C4orf51: variants seen among roughly 807,000 people sequenced by gnomAD.
The protein encoded by C4orf51 is uncharacterized protein C4orf51.
C4orf51 carries 25 observed loss-of-function variants against 25.2 expected under a neutral mutation model. The ratio of observed to expected loss-of-function variants is 0.99; its 90% confidence interval spans 0.72 to 1.39. The LOEUF (loss-of-function observed/expected upper bound fraction) is 1.39. Among genes scored for constraint, C4orf51 ranks in the 40% most tolerant of loss-of-function variants. C4orf51 has a pLI of 0.00. For synonymous variants in C4orf51, 100 were observed against 84.5 expected, an observed-to-expected ratio of 1.18 and a Z score of -1.01; for missense variants, 252 against 239.6, an observed-to-expected ratio of 1.05 and a Z score of -0.34.
intron 2 of C4orf51, among the ~76,000 whole-genome samples, chr4:145,716,261 TC>T (rs1413673689): frequency 6.6e-6 from 1 of 152,170 alleles, no homozygotes; most frequent in African/African-American, 2.4e-5. Context: ...ACTTCCTTCC[TC>T]TTGGGCTTCC....
At chr4:145,752,332 A>T (rs1733717126) in intron 1 of C4orf51, among the ~76,000 whole-genome samples, 1 of 152,164 alleles carries the variant, frequency 6.6e-6, no homozygotes, top group Non-Finnish European at 1.5e-5. Context: ...GCTGCTGGTT[A>T]TGCAGGACCC....
chr4:145,751,843 T>A (rs796460285), intron 1 of C4orf51, among the ~76,000 whole-genome samples: 34 of 152,314 alleles, frequency 2.2e-4, no homozygotes, highest in African/African-American at 7.9e-4. Context: ...AAGCTGGTGC[T>A]CAAGCCACAA....
chr4:145,718,853 G>A (rs971271114), intron 2 of C4orf51, among the ~76,000 whole-genome samples: 3 of 152,152 alleles, frequency 2.0e-5, no homozygotes, highest in African/African-American at 7.2e-5. Flanking sequence ...TGTAATCTTT[G>A]CTGGAACACA....
At chr4:145,776,460 CA>C in the C4orf51 span, among the ~76,000 whole-genome samples, 1 of 124,894 alleles carries the variant, frequency 8.0e-6, no homozygotes, top group Non-Finnish European at 1.7e-5. Flanking sequence ...AACCTTGTTT[CA>C]AAAAAAAGAA....
chr4:145,724,835 G>A, intron 2 of C4orf51, among the ~76,000 whole-genome samples: 1 of 126,232 alleles, frequency 7.9e-6, no homozygotes. Context: ...AGTGAGCCAT[G>A]ATCATGCACT....
chr4:145,687,002 TGG>T (rs138977901), intron 1 of C4orf51, among the ~76,000 whole-genome samples: 1 of 123,520 alleles, frequency 8.1e-6, no homozygotes, highest in South Asian at 2.7e-4. Context: ...TTGGATCTTG[TGG>T]GGGGGGCGGT....
At chr4:145,736,340 C>A (rs1732802521), downstream of C4orf51, among the ~76,000 whole-genome samples, 2 of 151,982 alleles carry the variant, frequency 1.3e-5, no homozygotes, top group African/African-American at 4.8e-5. Context: ...AAACTCTTTC[C>A]TTCCCAGGGA....
Position 145,765,089 on chromosome 4 carries a change from G to A in C4orf51, n.167-5899G>A, listed in dbSNP as rs141142780. On this transcript the variant is annotated intron_variant and non_coding_transcript_variant, in intron 1 of 1. Transcript: ENST00000510096. This position sits in a 1 kb window ranked among gnomAD's most constrained non-coding sequence, Gnocchi z 4.7. ...ACACATCACACTCAAACATCCGGGT[G>A]ATGAGGTGTATCTGCAGATGACGCT... 28 of 1,614,212 alleles carry A rather than the reference G, an allele frequency of 1.7e-5. No individual in the cohort carries two copies. In the African/African-American group the frequency reaches 3.2e-4, roughly 18 times the overall value.
At chr4:145,701,666 G>A (rs1405813427) in intron 2 of C4orf51, among the ~76,000 whole-genome samples, 1 of 151,210 alleles carries the variant, frequency 6.6e-6, no homozygotes, top group Non-Finnish European at 1.5e-5. Flanking sequence ...TAATCAATAC[G>A]GAGGCTACCC....
intron 1 of C4orf51, among the ~76,000 whole-genome samples, chr4:145,691,008 G>A (rs556562723): frequency 1.2e-4 from 18 of 152,258 alleles, no homozygotes; most frequent in Non-Finnish European, 1.3e-4. Flanking sequence ...AGCTACTCAG[G>A]AGGCTGAGGT....
chr4:145,730,261 G>A (rs774076814), intron 5 of C4orf51, among the ~76,000 whole-genome samples: 8 of 152,154 alleles, frequency 5.3e-5, no homozygotes, highest in African/African-American at 9.7e-5. Flanking sequence ...AATTTTCATC[G>A]GTGAGTTGTT....
rs1194238564 is a variant in C4orf51 at position 145,729,230 on chromosome 4, G to GT, written c.427+2dup. On this transcript the variant is annotated splice_donor_variant, in intron 4 of 5. Transcript: ENST00000438731. LOFTEE classifies it high-confidence loss of function. ...ACACCTCCAAATTATGGAAAATACT[G>GT]TAAGTCCCATCCTGAACTACTACTT... is the stretch of plus-strand genomic sequence containing the variant. 2 of 1,584,556 alleles carry GT rather than the reference G, an allele frequency of 1.3e-6. No homozygotes were observed. The highest frequency in any genetic ancestry group is 2.7e-5 in the African/African-American group (2 of 73,080).
intron 2 of C4orf51, among the ~76,000 whole-genome samples, chr4:145,707,164 C>T (rs1730862837): frequency 6.6e-6 from 1 of 152,086 alleles, no homozygotes; most frequent in Non-Finnish European, 1.5e-5. Context: ...TGGTCTCGAT[C>T]CCCTGACCTC....
At chr4:145,750,094 AGTT>A (rs1418222336) in intron 1 of C4orf51, among the ~76,000 whole-genome samples, 1 of 152,078 alleles carries the variant, frequency 6.6e-6, no homozygotes, top group Non-Finnish European at 1.5e-5. Flanking sequence ...TGTCTTGAAA[AGTT>A]GTTGTAGTTA....
chr4:145,737,763 C>T (rs1255703255), downstream of C4orf51, among the ~76,000 whole-genome samples: 1 of 152,188 alleles, frequency 6.6e-6, no homozygotes, highest in African/African-American at 2.4e-5. Flanking sequence ...GACTCTCACT[C>T]CTTCGTAGAT....
intron 2 of C4orf51, among the ~76,000 whole-genome samples, chr4:145,707,228 C>A (rs768143513): frequency 1.9e-4 from 29 of 152,292 alleles, no homozygotes; most frequent in Non-Finnish European, 3.1e-4. Flanking sequence ...CGTGAGCCAC[C>A]GCGCCAGGCC....
chr4:145,765,462 A>G lies in C4orf51; in HGVS notation n.167-5526A>G, dbSNP rs1735144710. On this transcript the variant is annotated intron_variant and non_coding_transcript_variant, in intron 1 of 1. Coordinates refer to the C4orf51 transcript ENST00000510096. The surrounding 1 kb of genome is among the most constrained non-coding windows in gnomAD (Gnocchi z 4.7). ...CCTGGGCCTATTATCAGTTTTTGACATCGCTCCTGTGCAGGGCTTATTCTC... is the reference window on the plus strand; with the variant it reads ...CCTGGGCCTATTATCAGTTTTTGACGTCGCTCCTGTGCAGGGCTTATTCTC... 2.0e-6 allele frequency: 3 copies of G among 1,470,262 alleles called. No homozygotes were observed. Among genetic ancestry groups the G allele is most frequent in the Non-Finnish European group, 2.7e-6 (3 of 1,096,968 alleles). The allele number at this position is 1,470,262 out of a possible 1,614,324, so 91.1% of individuals were successfully genotyped here.
chr4:145,716,232 A>T (rs1731405816), intron 2 of C4orf51, among the ~76,000 whole-genome samples: 1 of 152,070 alleles, frequency 6.6e-6, no homozygotes, highest in Non-Finnish European at 1.5e-5. Context: ...GACCTTTCTC[A>T]TGGTGACCTG....
Position 145,729,750 on chromosome 4 carries a change from G to A in C4orf51, c.428-142G>A, listed in dbSNP as rs1732356243. ...AATGCAAGAGGCATTTGTCACTCAT[G>A]CTGGTGGCAGAGGAGGGGGCTGTGT... is the stretch of plus-strand genomic sequence containing the variant. On this transcript the variant is annotated intron_variant, in intron 4 of 5. Coordinates refer to ENST00000438731, the MANE Select transcript of C4orf51 (RefSeq NM_001080531.3). 6.2e-6 allele frequency: 4 copies of A among 649,658 alleles called. 1 individual carries two copies. Among genetic ancestry groups the A allele is most frequent in the Non-Finnish European group, 1.1e-5 (4 of 361,114 alleles). The allele number at this position is 649,658 out of a possible 1,614,324, so 40.2% of individuals were successfully genotyped here. A position where few individuals can be genotyped will look rare whatever the true frequency, so the allele number is the denominator to read the frequency against.
Sources: gnomAD v4.1 joint callset for allele counts (sites outside exome capture counted in the v4.1 genomes callset) on GRCh38, gnomAD v4.1.1 for gene constraint, Gnocchi (gnomAD v3.1) non-coding constraint, MANE v1.5 for transcripts, NCBI Gene and HGNC (gene_info 2026-07-23, HGNC 2026-07-21) for gene names.